Variants in ZNF827 observed in about 807,000 individuals in gnomAD.
The protein encoded by ZNF827 is zinc finger protein 827.
In ZNF827, 13 loss-of-function variants were observed where a neutral mutation model predicts 102.4. The ratio of observed to expected loss-of-function variants is 0.13; its 90% CI spans 0.08 to 0.20. ZNF827 has a LOEUF of 0.20. ZNF827 is among the 10% of genes least tolerant of loss of function. The pLI is 1.00. For missense variants in ZNF827, 1,103 were observed against 1,344.4 expected, an observed-to-expected ratio of 0.82 and a Z score of 2.81; for synonymous variants, 523 against 536.2, an observed-to-expected ratio of 0.98 and a Z score of 0.34.
At chr4:145,903,675 C>T (rs373474021) in intron 1 of ZNF827, among the ~76,000 whole-genome samples, 127 of 152,320 alleles carry the variant, frequency 8.3e-4, no homozygotes, top group Middle Eastern at 3.4e-3. Flanking sequence ...AACTCCGTGA[C>T]TCTAGGCAAG....
intron 8 of ZNF827, among the ~76,000 whole-genome samples, chr4:145,798,949 C>T (rs1332384320): frequency 6.6e-6 from 1 of 152,158 alleles, no homozygotes; most frequent in African/African-American, 2.4e-5. Flanking sequence ...AAATCTCTGA[C>T]ATTGTTGAAA....
chr4:145,893,718 C>T lies in ZNF827; in HGVS notation c.1094-1303G>A, dbSNP rs1750775839. 2.0e-5 allele frequency among the ~76,000 whole-genome samples: 3 copies of T among 152,156 alleles called. No individual in the cohort carries two copies. The South Asian group carries it at 6.2e-4, about 32-fold the overall frequency. On this transcript the variant is annotated intron_variant, in intron 2 of 14. Coordinates refer to ENST00000508784, the MANE Select transcript of ZNF827 (RefSeq NM_001306215.2). ...TACCATGTGCCTTCTGATATGTCAT[C>T]TGTGAAATGTCCTTATAAAAAATTA...
chr4:145,765,069 T>A lies in ZNF827; in HGVS notation c.3149A>T (p.Asp1050Val). Reference sequence around the variant, plus strand: ...GGTCTTCATGAACTTGTGGCACACATCACACTCAAACATCCGGGTGATGAG... The same window carrying A: ...GGTCTTCATGAACTTGTGGCACACAACACACTCAAACATCCGGGTGATGAG... ...IHLITRMFEC[D>V]VCHKFMKTPE... The change falls in exon 13 of 15, where the codon GAT becomes GTT. Residue 1050 changes from aspartate to valine, a missense_variant. This residue lies in a region of ZNF827 where 242 missense variants were observed against 361.9 expected (regional missense o/e 0.67). Coordinates refer to ENST00000508784, the MANE Select transcript of ZNF827 (RefSeq NM_001306215.2). The surrounding 1 kb of genome is among the most constrained non-coding windows in gnomAD (Gnocchi z 4.7). 1 of 1,614,256 alleles carries A rather than the reference T, an allele frequency of 6.2e-7. No homozygotes were observed. The highest frequency in any genetic ancestry group is 8.5e-7 in the Non-Finnish European group (1 of 1,180,046).
chr4:145,841,366 TATG>T (rs779900095), intron 7 of ZNF827, among the ~76,000 whole-genome samples: 72 of 152,366 alleles, frequency 4.7e-4, no homozygotes, highest in South Asian at 8.3e-4. Flanking sequence ...GAGATCTGAT[TATG>T]ATATCATGCC....
rs1560894668 is a variant in ZNF827, at chr4:145,768,907, ATATATAT to A, written c.2861-3176_2861-3170del. 8.6e-4 allele frequency among the ~76,000 whole-genome samples: 32 copies of A among 37,314 alleles called. 5 individuals carry two copies. The highest frequency in any genetic ancestry group is 2.9e-3 in the East Asian group (3 of 1,050). 24.5% of individuals were successfully genotyped at this position (37,314 alleles called of 152,430 possible). A position where few individuals can be genotyped will look rare whatever the true frequency, so the allele number is the denominator to read the frequency against. On this transcript the variant is annotated intron_variant, in intron 11 of 14. Coordinates refer to ENST00000508784, the MANE Select transcript of ZNF827 (RefSeq NM_001306215.2). ...AAAAAAAAAATATATATATATATAT[ATATATAT>A]ATTAGGTATACAAAGTTTGGAAATA... is the stretch of plus-strand genomic sequence containing the variant.
At chr4:145,911,196 A>G (rs1429762546) in intron 1 of ZNF827, among the ~76,000 whole-genome samples, 2 of 152,208 alleles carry the variant, frequency 1.3e-5, no homozygotes, top group African/African-American at 4.8e-5. Flanking sequence ...AGAAAGAACA[A>G]CACTGCAGGG....
intron 4 of ZNF827, among the ~76,000 whole-genome samples, chr4:145,873,181 C>T (rs574934002): frequency 1.8e-4 from 27 of 152,118 alleles, no homozygotes; most frequent in Middle Eastern, 3.4e-3. Context: ...GTGATCCACC[C>T]GCTTCGGCCT....
chr4:145,810,034 A>G (rs1335539327), intron 8 of ZNF827, among the ~76,000 whole-genome samples: 2 of 152,276 alleles, frequency 1.3e-5, no homozygotes, highest in African/African-American at 2.4e-5. Context: ...AAAGTAACAT[A>G]TACTTCTTAT....
At chr4:145,789,378 CAG>C (rs1739346338) in intron 8 of ZNF827, among the ~76,000 whole-genome samples, 1 of 152,084 alleles carries the variant, frequency 6.6e-6, no homozygotes, top group South Asian at 2.1e-4. Flanking sequence ...AAAACAATAT[CAG>C]AGTTTGTTAA....
chr4:145,917,700 C>CAAAAAAAAAAAAAAAAAAAAAAAAA (rs763617063), intron 1 of ZNF827, among the ~76,000 whole-genome samples: 1 of 46,856 alleles, frequency 2.1e-5, no homozygotes, highest in Non-Finnish European at 4.0e-5. Context: ...GGTAGCTGGT[C>CAAAAAAAAAAAAAAAAAAAAAAAAA]AAAAAAAAAA....
Position 145,847,448 on chromosome 4 carries a change from G to A in ZNF827, c.2222-1435C>T, listed in dbSNP as rs143974040. On this transcript the variant is annotated intron_variant, in intron 6 of 14. Transcript: ENST00000508784. ...ATTCTGTATTGTGAGGCCCCTTTGT[G>A]AGAGGGGATATAAAAACAGCCTAAG... Among the ~76,000 whole-genome samples, 3 of 152,302 alleles carry A rather than the reference G, an allele frequency of 2.0e-5. No individual in the cohort carries two copies. In the East Asian group the frequency reaches 5.8e-4, roughly 29 times the overall value.
intron 8 of ZNF827, among the ~76,000 whole-genome samples, chr4:145,812,871 C>A (rs758463402): frequency 2.6e-5 from 4 of 152,130 alleles, no homozygotes; most frequent in Non-Finnish European, 5.9e-5. Flanking sequence ...ATGGGACAGT[C>A]GTCCCCTCCT....
intron 8 of ZNF827, among the ~76,000 whole-genome samples, chr4:145,812,605 G>A (rs1446026205): frequency 6.6e-6 from 1 of 152,018 alleles, no homozygotes; most frequent in African/African-American, 2.4e-5. Flanking sequence ...TAGGCTCACT[G>A]CAGCCTCTGC....
chr4:145,850,171 G>A (rs767072229), intron 5 of ZNF827, among the ~76,000 whole-genome samples: 6 of 151,888 alleles, frequency 4.0e-5, no homozygotes, highest in African/African-American at 7.3e-5. Context: ...CACAATATTC[G>A]GCTAATTTTT....
chr4:145,856,336 A>G (rs1336747952), intron 5 of ZNF827, among the ~76,000 whole-genome samples: 1 of 152,130 alleles, frequency 6.6e-6, no homozygotes, highest in Non-Finnish European at 1.5e-5. Context: ...GGCTTATTAT[A>G]TGCTTCTTCT....
chr4:145,795,783 G>A (rs1046742222), intron 8 of ZNF827, among the ~76,000 whole-genome samples: 6 of 152,228 alleles, frequency 3.9e-5, no homozygotes, highest in Admixed American at 1.3e-4. Flanking sequence ...GGAAGCAGTT[G>A]TACTATTTCT....
chr4:145,860,348 C>G (rs764556861), intron 5 of ZNF827, among the ~76,000 whole-genome samples: 1 of 152,094 alleles, frequency 6.6e-6, no homozygotes, highest in African/African-American at 2.4e-5. Context: ...CCCATAAACG[C>G]CCTCTACCTC....
intron 1 of ZNF827, among the ~76,000 whole-genome samples, chr4:145,905,535 C>T (rs540252314): frequency 1.3e-5 from 2 of 152,330 alleles, no homozygotes; most frequent in Middle Eastern, 6.8e-3. Flanking sequence ...TGATCTGCCA[C>T]ATTTCCTCCT....
intron 1 of ZNF827, among the ~76,000 whole-genome samples, chr4:145,927,645 G>A (rs1461666864): frequency 6.6e-6 from 1 of 152,160 alleles, no homozygotes; most frequent in Non-Finnish European, 1.5e-5. Context: ...CCTTCAGGCT[G>A]TGAGATCCCA....
Sources: allele counts gnomAD v4.1 joint callset (sites outside exome capture counted in the v4.1 genomes callset), GRCh38; gene constraint gnomAD v4.1.1; regional missense constraint gnomAD v4.1.1; non-coding constraint Gnocchi (gnomAD v3.1); transcripts MANE v1.5; gene names NCBI Gene and HGNC (gene_info 2026-07-23, HGNC 2026-07-21).